The following SLC4A4 variants were observed in gnomAD, a reference collection of about 807,000 sequenced individuals.
SLC4A4 encodes the protein electrogenic sodium bicarbonate cotransporter 1.
Under a neutral mutation model 111.5 loss-of-function variants are expected in SLC4A4, and 27 were observed. That is an observed-to-expected ratio of 0.24 (90% CI 0.18 to 0.33). SLC4A4 has a LOEUF of 0.33. Ranked by LOEUF, SLC4A4 falls within the 10% of genes least tolerant of loss-of-function variation. The pLI is 1.00. For synonymous variants in SLC4A4, 443 were observed against 463.4 expected, an observed-to-expected ratio of 0.96 and a Z score of 0.57; for missense variants, 909 against 1,315.5, an observed-to-expected ratio of 0.69 and a Z score of 4.78.
chr4:71,426,054 C>G (rs114501690), intron 7 of SLC4A4, among the ~76,000 whole-genome samples: 2,334 of 152,086 alleles, frequency 0.015, 36 homozygotes, highest in Non-Finnish European at 0.019. Flanking sequence ...TAAAATACTT[C>G]AGTTTCTTTC....
intron 13 of SLC4A4, among the ~76,000 whole-genome samples, chr4:71,468,083 C>A (rs993704291): frequency 6.6e-6 from 1 of 151,960 alleles, no homozygotes; most frequent in African/African-American, 2.4e-5. Context: ...CAGCAGGAGT[C>A]TTTTGAGAAT....
chr4:71,122,238 G>A (rs1231241240), intron 2 of SLC4A4, among the ~76,000 whole-genome samples: 6 of 150,908 alleles, frequency 4.0e-5, no homozygotes, highest in South Asian at 2.1e-4. Flanking sequence ...GCTTGAGCCC[G>A]GGAGACAGAG....
intron 2 of SLC4A4, among the ~76,000 whole-genome samples, chr4:71,152,450 C>T (rs1013874248): frequency 5.9e-5 from 9 of 152,160 alleles, no homozygotes; most frequent in Admixed American, 5.9e-4. Context: ...AGTTCTTTCA[C>T]TCGAGATTAT....
intron 1 of SLC4A4, among the ~76,000 whole-genome samples, chr4:71,195,715 T>A (rs1745966406): frequency 6.6e-6 from 1 of 152,246 alleles, no homozygotes; most frequent in Non-Finnish European, 1.5e-5. Context: ...TCCTTTCGGT[T>A]CTTACTTGAC....
chr4:71,539,820 A>G (rs1374513299), intron 18 of SLC4A4, among the ~76,000 whole-genome samples: 11 of 152,118 alleles, frequency 7.2e-5, no homozygotes, highest in Non-Finnish European at 1.0e-4. Flanking sequence ...CACCAGTTTC[A>G]TATGGTAGAC....
In SLC4A4 at chr4:71,277,602, CTCTCCT is replaced by C. The variant is rs1315736890; in HGVS notation, c.253+22206_253+22211del. 8.1e-3 allele frequency among the ~76,000 whole-genome samples: 1,184 copies of C among 146,776 alleles called. 20 individuals carry two copies. Among genetic ancestry groups the C allele is most frequent in the East Asian group, 0.065 (313 of 4,834 alleles). ...CTTCCTTCCTTCTTTCTTTCTCTCT[CTCTCCT>C]TCCTTCCTTCCTTCCTTCCTCTCTC... On this transcript the variant is annotated intron_variant, in intron 3 of 25. Coordinates refer to ENST00000264485, the MANE Select transcript of SLC4A4 (RefSeq NM_001098484.3).
chr4:71,193,895 A>G (rs1283886390), intron 1 of SLC4A4, among the ~76,000 whole-genome samples: 1 of 152,224 alleles, frequency 6.6e-6, no homozygotes, highest in Non-Finnish European at 1.5e-5. Flanking sequence ...AAGTAAACTC[A>G]TGGGATAAAG....
At chr4:71,534,430 T>C (rs776610537) in intron 18 of SLC4A4, 42 bp downstream of exon 18, 4 of 1,584,388 alleles carry the variant, frequency 2.5e-6, no homozygotes, top group Admixed American at 3.3e-5. Context: ...TTCTACTTTC[T>C]TTTTAGTACT....
At chr4:71,229,136 C>T (rs1230363218) in intron 1 of SLC4A4, among the ~76,000 whole-genome samples, 1 of 152,156 alleles carries the variant, frequency 6.6e-6, no homozygotes, top group Non-Finnish European at 1.5e-5. Flanking sequence ...TTTGTCACTC[C>T]ATATAAATTG....
chr4:71,206,415 A>T (rs1280962066), intron 1 of SLC4A4, among the ~76,000 whole-genome samples: 1 of 152,204 alleles, frequency 6.6e-6, no homozygotes, highest in Non-Finnish European at 1.5e-5. Flanking sequence ...ACAGATTTCC[A>T]AAAGGCTCAT....
intron 2 of SLC4A4, among the ~76,000 whole-genome samples, chr4:71,095,013 G>A (rs1398926555): frequency 6.6e-6 from 1 of 152,148 alleles, no homozygotes; most frequent in Non-Finnish European, 1.5e-5. Context: ...CTGATGATCA[G>A]TAAAACCATA....
intron 5 of SLC4A4, among the ~76,000 whole-genome samples, chr4:71,353,533 A>G (rs1730030647): frequency 6.6e-6 from 1 of 152,234 alleles, no homozygotes. Context: ...TGAACGAAAC[A>G]GAGCCCTTAT....
chr4:71,426,729 G>A (rs570634989), intron 7 of SLC4A4, among the ~76,000 whole-genome samples: 66 of 152,154 alleles, frequency 4.3e-4, no homozygotes, highest in African/African-American at 1.2e-3. Context: ...AATTGCCAAG[G>A]TTATATTATA....
chr4:71,244,379 C>A (rs1720477258), intron 2 of SLC4A4, among the ~76,000 whole-genome samples: 1 of 152,128 alleles, frequency 6.6e-6, no homozygotes, highest in Non-Finnish European at 1.5e-5. Context: ...ATCTTCTTAG[C>A]CACCTACTAG....
At chr4:71,169,863 C>G (rs1455813286) in intron 2 of SLC4A4, among the ~76,000 whole-genome samples, 1 of 152,196 alleles carries the variant, frequency 6.6e-6, no homozygotes, top group African/African-American at 2.4e-5. Context: ...TCTGATTGCA[C>G]TTGGAATAAG....
chr4:71,149,303 C>G (rs942141691), intron 2 of SLC4A4, among the ~76,000 whole-genome samples: 1 of 151,910 alleles, frequency 6.6e-6, no homozygotes, highest in Non-Finnish European at 1.5e-5. Flanking sequence ...ATAGATTCAA[C>G]AGAGAAAAAA....
chr4:71,224,484 A>T (rs763354053), intron 1 of SLC4A4, among the ~76,000 whole-genome samples: 4 of 152,140 alleles, frequency 2.6e-5, no homozygotes, highest in Non-Finnish European at 5.9e-5. Context: ...TTTTTTTGGG[A>T]ATGTGACTTA....
At chr4:71,473,192 C>G (rs534228033) in intron 14 of SLC4A4, 1 of 669,134 alleles carries the variant, frequency 1.5e-6, no homozygotes, top group Admixed American at 2.3e-5. Flanking sequence ...GTGAACATAA[C>G]CAACTCAATA....
chr4:71,421,870 C>T (rs1232571263), intron 7 of SLC4A4, among the ~76,000 whole-genome samples: 1 of 151,862 alleles, frequency 6.6e-6, no homozygotes, highest in Non-Finnish European at 1.5e-5. Context: ...ACTAAATGCC[C>T]ACAAGAGAAA....
Sources: allele counts gnomAD v4.1 joint callset (sites outside exome capture counted in the v4.1 genomes callset), GRCh38; gene constraint gnomAD v4.1.1; transcripts MANE v1.5; gene names NCBI Gene and HGNC (gene_info 2026-07-23, HGNC 2026-07-21).